The following NSMF variants were observed in gnomAD, a reference collection of about 807,000 sequenced individuals.
NSMF encodes the protein NMDA receptor synaptonuclear signaling and neuronal migration factor, also known as nasal embryonic LHRH factor.
NSMF carries 31 observed loss-of-function variants against 71.0 expected under a neutral mutation model. That is an observed-to-expected ratio of 0.44 (90% CI 0.33 to 0.59). The LOEUF (loss-of-function observed/expected upper bound fraction) is 0.59. NSMF is among the 20% of genes least tolerant of loss of function. NSMF has a pLI of 0.04. For missense variants in NSMF, 673 were observed against 740.5 expected (o/e 0.91, Z 1.06); for synonymous variants, 345 against 287.1 (o/e 1.20, Z -2.04).
intron 5 of NSMF, 121 bp from the exon 6 acceptor site, chr9:137,455,428 A>C: frequency 8.4e-7 from 1 of 1,196,714 alleles, no homozygotes; most frequent in South Asian, 1.3e-5. Flanking sequence ...CCGGCAGAGG[A>C]GTCCCAGCCT....
Position 137,453,450 on chromosome 9 carries a change from G to A in NSMF, c.923-270C>T. The A allele has an allele frequency of 1.7e-6, 1 of 604,908 alleles. No individual in the cohort carries two copies. Among genetic ancestry groups the A allele is most frequent in the Non-Finnish European group, 2.9e-6 (1 of 344,088 alleles). The allele number at this position is 604,908 out of a possible 1,614,324, so 37.5% of individuals were successfully genotyped here. On this transcript the variant is annotated intron_variant, in intron 8 of 15. Transcript: ENST00000371475. This position sits in a 1 kb window ranked among gnomAD's most constrained non-coding sequence, Gnocchi z 4.5. ...AGCCAAGTCCGCCGGGCGCCTGGGA[G>A]GGAGTGGGGGCGGGCACCGCAGCCC...
In NSMF at chr9:137,453,114, TCAGTGTCC is replaced by T; in HGVS notation, c.981_988del (p.Trp327Ter). ...GCAGGCCACAGCCTCCAGGCCCTTC[TCAGTGTCC>T]CAGTCCAGGTCCTCGAAGGCCTCGT... On this transcript the variant is annotated stop_gained and frameshift_variant, in exon 9 of 16. Coordinates refer to ENST00000371475, the MANE Select transcript of NSMF (RefSeq NM_001130969.3). LOFTEE classifies it high-confidence loss of function. This position sits in a 1 kb window ranked among gnomAD's most constrained non-coding sequence, Gnocchi z 4.5. The T allele has an allele frequency of 6.2e-7, 1 of 1,612,636 alleles. No individual in the cohort carries two copies. The highest frequency in any genetic ancestry group is 8.5e-7 in the Non-Finnish European group (1 of 1,179,906).
intron 1 of NSMF, 75 bp downstream of exon 1, chr9:137,458,957 C>G (rs951837126): frequency 3.1e-5 from 36 of 1,163,036 alleles, no homozygotes; most frequent in Non-Finnish European, 3.7e-5. Flanking sequence ...CGGGGAGCAC[C>G]GCGGGGCAGG....
rs555701498 is a variant in NSMF, at chr9:137,449,816, T to A, written c.1419+107A>T. 42 of 1,307,598 alleles carry A rather than the reference T, an allele frequency of 3.2e-5. No homozygotes were observed. The Admixed American group carries it at 4.4e-4, about 14-fold the overall frequency. 81.0% of individuals were successfully genotyped at this position (1,307,598 alleles called of 1,614,324 possible). A position where few individuals can be genotyped will look rare whatever the true frequency, so the allele number is the denominator to read the frequency against. On this transcript the variant is annotated intron_variant, in intron 14 of 15. Coordinates refer to ENST00000371475, the MANE Select transcript of NSMF (RefSeq NM_001130969.3). ...CAGGCATAAAGGATTTCTAGGGGAATGCCCGGGGGAAGGAAAAAAAATGCC... is the reference window on the plus strand; with the variant it reads ...CAGGCATAAAGGATTTCTAGGGGAAAGCCCGGGGGAAGGAAAAAAAATGCC...
Position 137,457,502 on chromosome 9 carries a change from G to A in NSMF, c.533C>T (p.Thr178Ile). 6.2e-7 allele frequency: 1 copy of A among 1,611,962 alleles called. No individual in the cohort carries two copies. The highest frequency in any genetic ancestry group is 8.5e-7 in the Non-Finnish European group (1 of 1,179,616). ...CTGGTCCAGCCCAAAGGCCCGAGGG[G>A]TGGGGCCAGGAGCCAGCTGGGCACA... is the stretch of plus-strand genomic sequence containing the variant. ...PGCAQLAPGPTPRAFGLDQPP... is the reference protein window; with the variant it reads ...PGCAQLAPGPIPRAFGLDQPP... Residue 178 changes from threonine (T) to isoleucine (I), a missense_variant, in exon 3 of 16, where the codon ACC (threonine) becomes ATC (isoleucine). Thr to Ile is a moderately conservative substitution (Grantham distance 89). Around this residue, in one of 2 missense-constraint regions of NSMF, gnomAD observed 471 missense variants for 459.6 expected, o/e 1.02. Coordinates refer to ENST00000371475, the MANE Select transcript of NSMF (RefSeq NM_001130969.3).
chr9:137,450,336 G>A (rs1302245320), intron 12 of NSMF, 81 bp from the exon 13 acceptor site: 7 of 1,193,486 alleles, frequency 5.9e-6, no homozygotes, highest in Non-Finnish European at 8.7e-6. Flanking sequence ...ATGCGTGGGA[G>A]GTAGTTTTGG....
rs994424737 is a variant in NSMF, at chr9:137,449,178, G to A, written c.*216C>T. 62 of 603,074 alleles carry A rather than the reference G, an allele frequency of 1.0e-4. No homozygotes were observed. Among genetic ancestry groups the A allele is most frequent in the Non-Finnish European group, 1.5e-4 (50 of 336,598 alleles). The allele number at this position is 603,074 out of a possible 1,614,324, so 37.4% of individuals were successfully genotyped here. A position where few individuals can be genotyped will look rare whatever the true frequency, so the allele number is the denominator to read the frequency against. ...GCTGAGCATCCACGGGCCACAGGGC[G>A]GGATCCTCCCGGCCCCCAGGGACTG... On this transcript the variant is annotated 3_prime_UTR_variant, in exon 16 of 16. Coordinates refer to ENST00000371475, the MANE Select transcript of NSMF (RefSeq NM_001130969.3).
chr9:137,454,931 C>A, intron 6 of NSMF: 1 of 696,530 alleles, frequency 1.4e-6, no homozygotes, highest in South Asian at 1.6e-5. Flanking sequence ...CCTGCCAAGG[C>A]CCAACATCCA....
At position 137,453,503 on chromosome 9, in the gene NSMF, G is replaced by A. The variant is rs971157924; in HGVS notation, c.922+228C>T. The A allele has an allele frequency of 3.3e-6, 2 of 599,848 alleles. No individual in the cohort carries two copies. Among genetic ancestry groups the A allele is most frequent in the Non-Finnish European group, 2.9e-6 (1 of 339,582 alleles). 37.2% of individuals were successfully genotyped at this position (599,848 alleles called of 1,614,324 possible). A position where few individuals can be genotyped will look rare whatever the true frequency, so the allele number is the denominator to read the frequency against. Reference sequence around the variant, plus strand: ...TGCCCCTGAGGGCCTCTTGCGAGTGGCGGTGGGCACGGCCCTACAGGCGCC... The same window carrying A: ...TGCCCCTGAGGGCCTCTTGCGAGTGACGGTGGGCACGGCCCTACAGGCGCC... On this transcript the variant is annotated intron_variant, in intron 8 of 15. Transcript: ENST00000371475. The surrounding 1 kb of genome is among the most constrained non-coding windows in gnomAD (Gnocchi z 4.5).
In NSMF at chr9:137,449,340, G is replaced by A. The variant is rs1839780681; in HGVS notation, c.*54C>T. 6.7e-7 allele frequency: 1 copy of A among 1,493,830 alleles called. No homozygotes were observed. Among genetic ancestry groups the A allele is most frequent in the Non-Finnish European group, 9.3e-7 (1 of 1,075,698 alleles). The allele number at this position is 1,493,830 out of a possible 1,614,324, so 92.5% of individuals were successfully genotyped here. A position where few individuals can be genotyped will look rare whatever the true frequency, so the allele number is the denominator to read the frequency against. Reference sequence around the variant, plus strand: ...GGGAGCACGAGGCGGCCCAGCCCCAGGTCCCGGTGCAGAGGGAGTGGCCTG... The same window carrying A: ...GGGAGCACGAGGCGGCCCAGCCCCAAGTCCCGGTGCAGAGGGAGTGGCCTG... On this transcript the variant is annotated 3_prime_UTR_variant, in exon 16 of 16. Transcript: ENST00000371475.
chr9:137,458,601 C>T (rs1830991008), intron 1 of NSMF, 52 bp from the exon 2 acceptor site: 1 of 1,519,276 alleles, frequency 6.6e-7, no homozygotes, highest in South Asian at 1.2e-5. Context: ...CCCTCCCAAA[C>T]ACCGGGCCGC....
In NSMF at chr9:137,459,286, C is replaced by A; in HGVS notation, c.-184G>T. The A allele has an allele frequency of 4.4e-6, 1 of 228,100 alleles. No homozygotes were observed. Among genetic ancestry groups the A allele is most frequent in the Non-Finnish European group, 7.4e-6 (1 of 135,076 alleles). 14.1% of individuals were successfully genotyped at this position (228,100 alleles called of 1,614,324 possible). ...CGGGCCCGGTCCCCGCATGGCCGCA[C>A]CCGGCGCTCCGCGCGTGCCGCCGCT... On this transcript the variant is annotated 5_prime_UTR_variant, in exon 1 of 16. Transcript: ENST00000371475.
At position 137,458,629 on chromosome 9, in the gene NSMF, G is replaced by A. The variant is rs1038266302; in HGVS notation, c.72-80C>T. Reference sequence around the variant, plus strand: ...CGGGCCGCGCAAGAGCCGGGGGTCCGGTCCCCAGCCAGGCCCTCGGCGTCT... The same window carrying A: ...CGGGCCGCGCAAGAGCCGGGGGTCCAGTCCCCAGCCAGGCCCTCGGCGTCT... On this transcript the variant is annotated intron_variant, in intron 1 of 15. Transcript: ENST00000371475. 4 of 1,359,846 alleles carry A rather than the reference G, an allele frequency of 2.9e-6. No homozygotes were observed. In the African/African-American group the frequency reaches 4.3e-5, roughly 15 times the overall value. The allele number at this position is 1,359,846 out of a possible 1,614,324, so 84.2% of individuals were successfully genotyped here.
rs779538298 is a variant in NSMF, at chr9:137,449,618, G to A, written c.1476C>T (p.Pro492=). Residue 492 remains proline (P), a synonymous_variant, in exon 15 of 16, where the codon CCC becomes CCT. Coordinates refer to ENST00000371475, the MANE Select transcript of NSMF (RefSeq NM_001130969.3). ...ACTCACCTTGGGCTGAGAGCTCCAGGGGTGACTCGAAGGTGACCCTATAAG... is the reference window on the plus strand; with the variant it reads ...ACTCACCTTGGGCTGAGAGCTCCAGAGGTGACTCGAAGGTGACCCTATAAG... ...MTPYRVTFES[P]LELSAQGKQM... is the part of the protein sequence containing the mutation. 2 of 1,612,488 alleles carry A rather than the reference G, an allele frequency of 1.2e-6. No individual in the cohort carries two copies. The highest frequency in any genetic ancestry group is 3.3e-5 in the Admixed American group (2 of 59,912).
Position 137,450,037 on chromosome 9 carries a change from G to T in NSMF, c.1317-12C>A. 1 of 1,611,512 alleles carries T rather than the reference G, an allele frequency of 6.2e-7. No individual in the cohort carries two copies. Among genetic ancestry groups the T allele is most frequent in the Non-Finnish European group, 8.5e-7 (1 of 1,178,728 alleles). ...GCCGCTTCCAGAAGCTGGTGGAGAG[G>T]GGTGGGTCACCCAGTGGCAGGGGAC... On this transcript the variant is annotated splice_polypyrimidine_tract_variant and intron_variant, in intron 13 of 15. Transcript: ENST00000371475.
At chr9:137,458,171 C>A (rs1279644989) in intron 2 of NSMF, among the ~76,000 whole-genome samples, 1 of 152,218 alleles carries the variant, frequency 6.6e-6, no homozygotes, top group East Asian at 1.9e-4. Flanking sequence ...AGCCTGCGAT[C>A]GCACCGTTTG....
At position 137,453,225 on chromosome 9, in the gene NSMF, T is replaced by G. The variant is rs1413994913; in HGVS notation, c.923-45A>C. 1 of 1,608,938 alleles carries G rather than the reference T, an allele frequency of 6.2e-7. No individual in the cohort carries two copies. Among genetic ancestry groups the G allele is most frequent in the African/African-American group, 1.3e-5 (1 of 74,864 alleles). ...CCAGGACAGCAGGCCCGGCAGCACC[T>G]CCTATCCTGGCCATGGCCCCAAGGC... On this transcript the variant is annotated intron_variant, in intron 8 of 15. Transcript: ENST00000371475. This position sits in a 1 kb window ranked among gnomAD's most constrained non-coding sequence, Gnocchi z 4.5.
intron 2 of NSMF, 137 bp downstream of exon 2, chr9:137,458,351 T>G: frequency 2.6e-6 from 2 of 779,872 alleles, no homozygotes; most frequent in Non-Finnish European, 2.1e-6. Context: ...GGGCAGGGGA[T>G]GTAAGGAAGC....
chr9:137,450,295 C>G, intron 12 of NSMF, 40 bp from the exon 13 acceptor site: 1 of 1,545,066 alleles, frequency 6.5e-7, no homozygotes, highest in Non-Finnish European at 8.9e-7. Context: ...CCTCCTTCCT[C>G]CCCCTCTCCG....
Sources: gnomAD v4.1 joint callset for allele counts (sites outside exome capture counted in the v4.1 genomes callset) on GRCh38, gnomAD v4.1.1 for gene constraint, gnomAD v4.1.1 regional missense constraint, Gnocchi (gnomAD v3.1) non-coding constraint, MANE v1.5 for transcripts, NCBI Gene and HGNC (gene_info 2026-07-23, HGNC 2026-07-21) for gene names.